Variants in OTUD5 observed in about 807,000 individuals in gnomAD.
The protein encoded by OTUD5 is OTU deubiquitinase 5.
OTUD5 carries 2 observed loss-of-function variants against 36.3 expected under a neutral mutation model. The ratio of observed to expected loss-of-function variants is 0.06; its 90% CI spans 0.02 to 0.17. The LOEUF (loss-of-function observed/expected upper bound fraction) is 0.17. OTUD5 is among the 10% of genes least tolerant of loss of function. OTUD5 has a pLI of 1.00. For synonymous variants in OTUD5, 234 were observed against 214.9 expected (o/e 1.09, Z -0.78); for missense variants, 233 against 512.3 (o/e 0.45, Z 5.26).
chrX:48,942,776 A>G (rs1440552101), intron 2 of OTUD5, among the ~76,000 whole-genome samples: 1 of 109,915 alleles, frequency 9.1e-6, no homozygotes, highest in African/African-American at 3.3e-5. Flanking sequence ...TACAAATGCT[A>G]CTGTTCCATG....
intron 2 of OTUD5, among the ~76,000 whole-genome samples, chrX:48,935,736 C>T (rs1307980646): frequency 1.8e-5 from 2 of 109,908 alleles, no homozygotes; most frequent in Non-Finnish European, 3.8e-5. Flanking sequence ...GTCACGAGTT[C>T]GAGACCAGCC....
intron 2 of OTUD5, chrX:48,940,133 G>C (rs2063896595): frequency 1.8e-5 from 2 of 113,734 alleles, no homozygotes; most frequent in South Asian, 3.7e-4. Context: ...GCTGTGGTGT[G>C]ACCTGGTCTG....
At chrX:48,938,474 C>T in intron 2 of OTUD5, among the ~76,000 whole-genome samples, 1 of 111,178 alleles carries the variant, frequency 9.0e-6, no homozygotes, top group South Asian at 3.7e-4. Context: ...AGGTGGATCA[C>T]CTGAGGTCAG....
At chrX:48,951,495 G>C (rs1016630539) in intron 1 of OTUD5, among the ~76,000 whole-genome samples, 33 of 111,981 alleles carry the variant, frequency 2.9e-4, no homozygotes, top group African/African-American at 1.0e-3. Flanking sequence ...GGCACCTGTA[G>C]TTCCAGCTAC....
Position 48,944,431 on chromosome X carries a change from A to C in OTUD5, c.595-148T>G. 6.7e-6 allele frequency: 3 copies of C among 444,445 alleles called. No individual in the cohort carries two copies. The South Asian group carries it at 1.0e-4, about 15-fold the overall frequency. 36.6% of individuals were successfully genotyped at this position (444,445 alleles called of 1,213,427 possible). A position where few individuals can be genotyped will look rare whatever the true frequency, so the allele number is the denominator to read the frequency against. ...TCAGCCCTGTTTGACCACTCCATGC[A>C]TGTGAAGTAGGAGACTCTTTTAGGG... On this transcript the variant is annotated intron_variant, in intron 1 of 8. Coordinates refer to ENST00000376488, the MANE Select transcript of OTUD5 (RefSeq NM_001136157.2).
At chrX:48,945,842 TTTA>T (rs1557052271) in intron 1 of OTUD5, among the ~76,000 whole-genome samples, 1 of 110,701 alleles carries the variant, frequency 9.0e-6, no homozygotes, top group African/African-American at 3.3e-5. Flanking sequence ...ATGCCTATTT[TTTA>T]ATTAAAAAAA....
chrX:48,948,460 C>T (rs1287330986), intron 1 of OTUD5, among the ~76,000 whole-genome samples: 1 of 112,428 alleles, frequency 8.9e-6, no homozygotes, highest in East Asian at 2.8e-4. Flanking sequence ...ACAGGGAAGG[C>T]CCCCACGAGC....
chrX:48,942,974 C>A (rs1557051492), intron 2 of OTUD5, among the ~76,000 whole-genome samples: 2 of 110,871 alleles, frequency 1.8e-5, no homozygotes, highest in Non-Finnish European at 3.8e-5. Flanking sequence ...AACACCCCAG[C>A]CCACCAGTAG....
rs1557055816 is a variant in OTUD5 at position 48,957,310 on chromosome X, A to G, written c.261T>C (p.Pro87=). 2 of 1,131,469 alleles carry G rather than the reference A, an allele frequency of 1.8e-6. No individual in the cohort carries two copies. Among genetic ancestry groups the G allele is most frequent in the Admixed American group, 2.8e-5 (1 of 35,583 alleles). 93.2% of individuals were successfully genotyped at this position (1,131,469 alleles called of 1,213,427 possible). A position where few individuals can be genotyped will look rare whatever the true frequency, so the allele number is the denominator to read the frequency against. The change falls in exon 1 of 9, where the codon CCT becomes CCC. Residue 87 remains proline, a synonymous_variant. Coordinates refer to ENST00000376488, the MANE Select transcript of OTUD5 (RefSeq NM_001136157.2). ...ALHRWALAVP[P]GAVAGPRPQQ... ...GTGGCCGGGGACCCGCCACTGCACCAGGCGGCACGGCCAGCGCCCAGCGAT... is the reference window on the plus strand; with the variant it reads ...GTGGCCGGGGACCCGCCACTGCACCGGGCGGCACGGCCAGCGCCCAGCGAT...
At chrX:48,938,713 T>A (rs2063870126) in intron 2 of OTUD5, among the ~76,000 whole-genome samples, 1 of 110,067 alleles carries the variant, frequency 9.1e-6, no homozygotes, top group Non-Finnish European at 1.9e-5. Flanking sequence ...AAAAAAGAAT[T>A]CGTTTTTCTG....
chrX:48,926,116 G>GC, intron 5 of OTUD5, 66 bp from the exon 6 acceptor site: 1 of 922,320 alleles, frequency 1.1e-6, no homozygotes, highest in Non-Finnish European at 1.6e-6. Context: ...GCCAGAACAG[G>GC]CTCAGCGAGG....
At chrX:48,925,017 G>A (rs782400742) in intron 6 of OTUD5, among the ~76,000 whole-genome samples, 33 of 110,515 alleles carry the variant, frequency 3.0e-4, no homozygotes, top group Non-Finnish European at 5.3e-4. Context: ...GGTGGCTCAC[G>A]CCTGTAATCC....
chrX:48,957,467 C>A lies in OTUD5; in HGVS notation c.104G>T (p.Gly35Val), dbSNP rs1443693272. The part of the protein sequence containing the change: ...PMPPAPRRGG[G>V]VGVGGGGTGV... The stretch of plus-strand genomic sequence containing the variant: ...CGTGCCGCCGCCGCCCACGCCCACA[C>A]CTCCGCCGCGCCGCGGCGCCGGGGG... Residue 35 changes from glycine to valine, a missense_variant, in exon 1 of 9, where the codon GGT becomes GTT. By Grantham distance (109) the Gly-to-Val change is moderately radical (BLOSUM62 -3). Transcript: ENST00000376488. The A allele has an allele frequency of 2.2e-6, 2 of 892,978 alleles. No individual in the cohort carries two copies. Among genetic ancestry groups the A allele is most frequent in the Non-Finnish European group, 2.8e-6 (2 of 724,795 alleles). 73.6% of individuals were successfully genotyped at this position (892,978 alleles called of 1,213,427 possible).
In OTUD5 at chrX:48,957,289, C is replaced by A; in HGVS notation, c.282G>T (p.Arg94=). ...AVPPGAVAGP[R]PQQASPPPCG... ...AAGGAGGTGGAGAAGCCTGTTGTGG[C>A]CGGGGACCCGCCACTGCACCAGGCG... Residue 94 remains arginine, a synonymous_variant, in exon 1 of 9, where the codon CGG becomes CGT. Coordinates refer to ENST00000376488, the MANE Select transcript of OTUD5 (RefSeq NM_001136157.2). 1 of 1,115,236 alleles carries A rather than the reference C, an allele frequency of 9.0e-7. No individual in the cohort carries two copies. The highest frequency in any genetic ancestry group is 2.1e-5 in the South Asian group (1 of 48,357). 91.9% of individuals were successfully genotyped at this position (1,115,236 alleles called of 1,213,427 possible). A position where few individuals can be genotyped will look rare whatever the true frequency, so the allele number is the denominator to read the frequency against.
intron 2 of OTUD5, among the ~76,000 whole-genome samples, chrX:48,936,762 C>T (rs1055554902): frequency 4.5e-5 from 5 of 111,817 alleles, no homozygotes; most frequent in Admixed American, 3.8e-4. Flanking sequence ...AGCCAGGGAG[C>T]TCTTCTCCCT....
intron 5 of OTUD5, among the ~76,000 whole-genome samples, chrX:48,928,421 G>A (rs1877714392): frequency 8.9e-6 from 1 of 112,133 alleles, no homozygotes; most frequent in South Asian, 3.6e-4. Flanking sequence ...GGAACATTAA[G>A]TGATAAGAAA....
chrX:48,957,641 C>T, upstream of OTUD5: 1 of 795,501 alleles, frequency 1.3e-6, no homozygotes, highest in Non-Finnish European at 1.5e-6. Context: ...GATGAGGGGG[C>T]TAGTGTAGTG....
At chrX:48,955,903 T>C (rs1316245358) in intron 1 of OTUD5, among the ~76,000 whole-genome samples, 2 of 111,800 alleles carry the variant, frequency 1.8e-5, no homozygotes, top group African/African-American at 6.5e-5. Context: ...AGACTTCACC[T>C]TGTCTGAGAC....
chrX:48,958,075 C>T (rs781958039), upstream of OTUD5, among the ~76,000 whole-genome samples: 1 of 113,254 alleles, frequency 8.8e-6, no homozygotes, highest in Admixed American at 9.2e-5. Flanking sequence ...TGAGCAGCTG[C>T]GTGGGACCTC....
Sources: gnomAD v4.1 joint callset for allele counts (sites outside exome capture counted in the v4.1 genomes callset) on GRCh38, gnomAD v4.1.1 for gene constraint, MANE v1.5 for transcripts, NCBI Gene and HGNC (gene_info 2026-07-23, HGNC 2026-07-21) for gene names.